Variants in ARAP2 observed in about 807,000 individuals in gnomAD.
The protein encoded by ARAP2 is ArfGAP with RhoGAP domain, ankyrin repeat and PH domain 2.
ARAP2 carries 148 observed loss-of-function variants against 194.5 expected under a neutral mutation model. The ratio of observed to expected loss-of-function variants is 0.76; its 90% CI spans 0.67 to 0.87. The LOEUF (loss-of-function observed/expected upper bound fraction) is 0.87. Ranked by LOEUF, ARAP2 falls within the 40% of genes least tolerant of loss-of-function variation. ARAP2 has a pLI of 0.00. For missense variants in ARAP2, 2,128 were observed against 1,989.7 expected, an observed-to-expected ratio of 1.07 and a Z score of -1.32; for synonymous variants, 695 against 683.5, an observed-to-expected ratio of 1.02 and a Z score of -0.26.
Position 36,160,651 on chromosome 4 carries a change from C to CAA in ARAP2, c.2260-12_2260-11dup, listed in dbSNP as rs11431961. On this transcript the variant is annotated splice_polypyrimidine_tract_variant and intron_variant, in intron 12 of 32. Coordinates refer to ENST00000303965, the MANE Select transcript of ARAP2 (RefSeq NM_015230.4). ...CAATGACAATAAAAAGCTGAATTGT[C>CAA]AAAAAAAAAACCCCATAATATATCA... 0.042 allele frequency: 43,385 copies of CAA among 1,027,354 alleles called. No homozygotes were observed. The highest frequency in any genetic ancestry group is 0.081 in the South Asian group (2,828 of 35,060). 63.6% of individuals were successfully genotyped at this position (1,027,354 alleles called of 1,614,324 possible).
At position 36,143,873 on chromosome 4, in the gene ARAP2, T is replaced by G. The variant is rs572790380; in HGVS notation, c.3263+3423A>C. On this transcript the variant is annotated intron_variant, in intron 19 of 32. Coordinates refer to ENST00000303965, the MANE Select transcript of ARAP2 (RefSeq NM_015230.4). ...TTCAATTACCAAAAATGTTATTAAC[T>G]GTCTGTGACCATTATTTTGGAATTT... Among the ~76,000 whole-genome samples the G allele has an allele frequency of 2.6e-5, 4 of 152,024 alleles. No individual in the cohort carries two copies. In the South Asian group the frequency reaches 8.3e-4, roughly 31 times the overall value.
chr4:36,230,398 T>G (rs1751207707), intron 1 of ARAP2, among the ~76,000 whole-genome samples: 1 of 152,204 alleles, frequency 6.6e-6, no homozygotes, highest in Admixed American at 6.5e-5. Context: ...TTCAATAATT[T>G]TCATTTCATA....
intron 16 of ARAP2, among the ~76,000 whole-genome samples, chr4:36,149,451 A>C (rs1051897032): frequency 6.6e-6 from 1 of 152,196 alleles, no homozygotes; most frequent in Non-Finnish European, 1.5e-5. Flanking sequence ...CAGTGCCTAC[A>C]TTATTGAGGT....
intron 16 of ARAP2, among the ~76,000 whole-genome samples, chr4:36,149,894 C>T (rs1435877153): frequency 6.6e-6 from 1 of 152,084 alleles, no homozygotes; most frequent in Non-Finnish European, 1.5e-5. Flanking sequence ...TCTTTCCTTT[C>T]TCATATAAAA....
chr4:36,172,490 A>T (rs1736884342), intron 9 of ARAP2, among the ~76,000 whole-genome samples: 1 of 152,228 alleles, frequency 6.6e-6, no homozygotes, highest in Non-Finnish European at 1.5e-5. Flanking sequence ...TTTAATAATT[A>T]CAGAAAGTAT....
intron 7 of ARAP2, among the ~76,000 whole-genome samples, chr4:36,191,165 G>C (rs1741809490): frequency 6.6e-6 from 1 of 152,146 alleles, no homozygotes; most frequent in Non-Finnish European, 1.5e-5. Flanking sequence ...ATTTTAGCTT[G>C]CATAAGAATT....
intron 3 of ARAP2, among the ~76,000 whole-genome samples, chr4:36,049,813 T>C (rs1488908006): frequency 2.0e-5 from 3 of 152,182 alleles, no homozygotes; most frequent in Non-Finnish European, 2.9e-5. Flanking sequence ...ATATTTCATT[T>C]CAGTGTAGAC....
intron 28 of ARAP2, among the ~76,000 whole-genome samples, chr4:36,084,169 C>T (rs1028746751): frequency 2.0e-5 from 3 of 152,038 alleles, no homozygotes; most frequent in East Asian, 1.9e-4. Flanking sequence ...AGCTTGCAGA[C>T]GGCCTATTGT....
chr4:36,209,040 C>A (rs183502691), intron 6 of ARAP2, among the ~76,000 whole-genome samples: 1 of 152,098 alleles, frequency 6.6e-6, no homozygotes, highest in Admixed American at 6.6e-5. Context: ...GTGCCTGGAG[C>A]ATAAACAGAC....
intron 5 of ARAP2, among the ~76,000 whole-genome samples, chr4:36,035,633 A>G (rs1719771103): frequency 6.6e-6 from 1 of 151,922 alleles, no homozygotes; most frequent in Non-Finnish European, 1.5e-5. Context: ...AAAACTTGAT[A>G]TTTTCAGTGT....
intron 3 of ARAP2, among the ~76,000 whole-genome samples, chr4:36,051,343 G>A (rs1722633849): frequency 6.6e-6 from 1 of 152,140 alleles, no homozygotes; most frequent in Non-Finnish European, 1.5e-5. Flanking sequence ...GCTGGGAGTG[G>A]TGGCGGGCGC....
intron 24 of ARAP2, 41 bp downstream of exon 24, chr4:36,119,609 G>T: frequency 2.8e-6 from 4 of 1,410,552 alleles, no homozygotes; most frequent in Middle Eastern, 1.8e-4. Flanking sequence ...GGAAGTTTTT[G>T]TTTTGTTTAA....
chr4:36,178,160 T>G (rs1560601142), intron 8 of ARAP2, among the ~76,000 whole-genome samples, 155 bp from the exon 9 acceptor site: 1 of 152,192 alleles, frequency 6.6e-6, no homozygotes, highest in Non-Finnish European at 1.5e-5. Flanking sequence ...AGCCAATGAC[T>G]CAATTCTTTG....
At chr4:36,095,375 T>C (rs914238345) in intron 27 of ARAP2, among the ~76,000 whole-genome samples, 5 of 152,210 alleles carry the variant, frequency 3.3e-5, no homozygotes, top group African/African-American at 9.6e-5. Flanking sequence ...GTTAGATAAT[T>C]TTTGATCTGG....
chr4:36,179,939 G>A (rs1192267205), intron 8 of ARAP2, among the ~76,000 whole-genome samples: 2 of 152,104 alleles, frequency 1.3e-5, no homozygotes, highest in South Asian at 2.1e-4. Flanking sequence ...AAACTCATTC[G>A]ATAGTGCTTT....
At chr4:36,046,242 G>A (rs1721813592) in intron 4 of ARAP2, among the ~76,000 whole-genome samples, 1 of 152,086 alleles carries the variant, frequency 6.6e-6, no homozygotes, top group South Asian at 2.1e-4. Context: ...GGAGTACAGT[G>A]GTGCAGTCAC....
intron 6 of ARAP2, among the ~76,000 whole-genome samples, chr4:36,207,963 C>T (rs1298580641): frequency 6.6e-6 from 1 of 152,324 alleles, no homozygotes; most frequent in South Asian, 2.1e-4. Flanking sequence ...TTCACAGATT[C>T]GTTCCACAGC....
At chr4:36,156,825 A>C (rs1009882936) in intron 15 of ARAP2, among the ~76,000 whole-genome samples, 3 of 152,240 alleles carry the variant, frequency 2.0e-5, no homozygotes, top group African/African-American at 4.8e-5. Context: ...ACAAAAGCTC[A>C]CTTTCGTATT....
chr4:36,217,624 C>T (rs1337718357), intron 2 of ARAP2, among the ~76,000 whole-genome samples: 2 of 151,624 alleles, frequency 1.3e-5, no homozygotes, highest in East Asian at 3.9e-4. Context: ...ATTCCATCCC[C>T]AAATATCAGT....
Sources: allele counts gnomAD v4.1 joint callset (sites outside exome capture counted in the v4.1 genomes callset), GRCh38; gene constraint gnomAD v4.1.1; transcripts MANE v1.5; gene names NCBI Gene and HGNC (gene_info 2026-07-23, HGNC 2026-07-21).